Variants in DPYSL3 observed in about 807,000 individuals in gnomAD.
DPYSL3 encodes the protein dihydropyrimidinase like 3.
Under a neutral mutation model 66.1 loss-of-function variants are expected in DPYSL3, and 16 were observed. That is an observed-to-expected ratio of 0.24 (90% CI 0.16 to 0.37). The LOEUF is 0.37. Ranked by LOEUF, DPYSL3 falls within the 10% of genes least tolerant of loss-of-function variation. The pLI is 1.00. For synonymous variants in DPYSL3, 338 were observed against 345.1 expected, an observed-to-expected ratio of 0.98 and a Z score of 0.23; for missense variants, 738 against 916.2, an observed-to-expected ratio of 0.81 and a Z score of 2.51.
chr5:147,473,845 A>G (rs1166036664), intron 1 of DPYSL3, among the ~76,000 whole-genome samples: 1 of 152,138 alleles, frequency 6.6e-6, no homozygotes, highest in African/African-American at 2.4e-5. Context: ...TCTTTTTTAA[A>G]TATATTTTAA....
chr5:147,397,005 T>C lies in DPYSL3; in HGVS notation c.1803+661A>G, dbSNP rs1039604429. ...TGTATTGTTATAATACAATACACAA[T>C]ACAATATAAATATATAAATGTTTAT... On this transcript the variant is annotated intron_variant, in intron 12 of 13. Coordinates refer to ENST00000343218, the MANE Select transcript of DPYSL3 (RefSeq NM_001197294.2). Among the ~76,000 whole-genome samples the C allele has an allele frequency of 8.0e-5, 11 of 137,460 alleles. No individual in the cohort carries two copies. The Admixed American group carries it at 8.4e-4, about 11-fold the overall frequency. 90.2% of individuals were successfully genotyped at this position (137,460 alleles called of 152,430 possible). A position where few individuals can be genotyped will look rare whatever the true frequency, so the allele number is the denominator to read the frequency against.
chr5:147,497,124 A>T (rs1044744607), intron 1 of DPYSL3, among the ~76,000 whole-genome samples: 48 of 152,080 alleles, frequency 3.2e-4, no homozygotes, highest in African/African-American at 1.2e-3. Context: ...GCTGGAAACC[A>T]TCATTCTCAG....
At chr5:147,455,690 A>G (rs1018472488) in intron 1 of DPYSL3, among the ~76,000 whole-genome samples, 2 of 152,074 alleles carry the variant, frequency 1.3e-5, no homozygotes, top group Non-Finnish European at 2.9e-5. Flanking sequence ...TACTGCCCCA[A>G]ACTTGCTGGA....
At chr5:147,458,419 C>G (rs547379504) in intron 1 of DPYSL3, among the ~76,000 whole-genome samples, 3 of 152,156 alleles carry the variant, frequency 2.0e-5, no homozygotes, top group Non-Finnish European at 4.4e-5. Flanking sequence ...TAATCCACCC[C>G]TTGTTTAGCA....
chr5:147,421,286 AC>A (rs1752071816), intron 2 of DPYSL3, among the ~76,000 whole-genome samples: 1 of 152,182 alleles, frequency 6.6e-6, no homozygotes, highest in East Asian at 1.9e-4. Flanking sequence ...AGAATAAAAT[AC>A]CTAGGAATAC....
intron 1 of DPYSL3, among the ~76,000 whole-genome samples, chr5:147,489,996 G>T (rs1753391142): frequency 6.6e-6 from 1 of 151,954 alleles, no homozygotes; most frequent in South Asian, 2.1e-4. Flanking sequence ...AAAATAAAAT[G>T]AAATAAAATT....
intron 1 of DPYSL3, among the ~76,000 whole-genome samples, chr5:147,464,679 G>A (rs1752985573): frequency 6.6e-6 from 1 of 152,158 alleles, no homozygotes; most frequent in African/African-American, 2.4e-5. Flanking sequence ...GCCTGAGAAA[G>A]CCATGGTGAC....
chr5:147,509,029 T>G lies in DPYSL3; in HGVS notation c.381+449A>C, dbSNP rs996371328. Among the ~76,000 whole-genome samples, 1 of 152,156 alleles carries G rather than the reference T, an allele frequency of 6.6e-6. No homozygotes were observed. The highest frequency in any genetic ancestry group is 1.5e-5 in the Non-Finnish European group (1 of 68,036). On this transcript the variant is annotated intron_variant, in intron 1 of 13. Coordinates refer to ENST00000343218, the MANE Select transcript of DPYSL3 (RefSeq NM_001197294.2). The surrounding 1 kb of genome is among the most constrained non-coding windows in gnomAD (Gnocchi z 5.3). ...TACTTTCATCCGGGCACTATGGAGA[T>G]GACCCCCATATTCCCAGCATCACTT... is the stretch of plus-strand genomic sequence containing the variant.
intron 1 of DPYSL3, among the ~76,000 whole-genome samples, chr5:147,461,300 A>G (rs1581206375): frequency 6.6e-6 from 1 of 152,192 alleles, no homozygotes; most frequent in East Asian, 1.9e-4. Context: ...TGGCATACCT[A>G]GTCCTAACCA....
chr5:147,412,452 A>C (rs1424155518), intron 6 of DPYSL3, among the ~76,000 whole-genome samples, 156 bp downstream of exon 6: 1 of 151,648 alleles, frequency 6.6e-6, no homozygotes, highest in Non-Finnish European at 1.5e-5. Context: ...TGTTTCTTCC[A>C]CCTAAATTGT....
intron 8 of DPYSL3, among the ~76,000 whole-genome samples, chr5:147,402,362 T>TACTCCTAACATGATGAC (rs1446009036): frequency 2.0e-5 from 3 of 147,178 alleles, no homozygotes; most frequent in Admixed American, 6.6e-5. Flanking sequence ...TTCTTTTTTT[T>TACTCCTAACATGATGAC]TTTGAGACGG....
At chr5:147,417,379 A>C (rs1007538228) in intron 3 of DPYSL3, among the ~76,000 whole-genome samples, 7 of 152,202 alleles carry the variant, frequency 4.6e-5, no homozygotes, top group African/African-American at 1.7e-4. Context: ...GCTGCTGAGA[A>C]GTCAGCAGGC....
chr5:147,461,480 C>T (rs1394875340), intron 1 of DPYSL3, among the ~76,000 whole-genome samples: 1 of 152,128 alleles, frequency 6.6e-6, no homozygotes, highest in African/African-American at 2.4e-5. Flanking sequence ...TATTCTCTTT[C>T]TTTTGCCTAT....
chr5:147,404,004 C>T (rs931553310), intron 8 of DPYSL3, among the ~76,000 whole-genome samples: 2 of 152,116 alleles, frequency 1.3e-5, no homozygotes, highest in Non-Finnish European at 2.9e-5. Context: ...GAATGGGTCC[C>T]GGGCAGAATG....
Position 147,445,079 on chromosome 5 carries a change from G to A in DPYSL3, c.382-20116C>T, listed in dbSNP as rs938467930. Among the ~76,000 whole-genome samples, 25 of 152,206 alleles carry A rather than the reference G, an allele frequency of 1.6e-4. 1 individual carries two copies. The highest frequency in any genetic ancestry group is 1.0e-4 in the Non-Finnish European group (7 of 68,030). ...TGACAGTTTCCTCTATATGAAAGAC[G>A]ACATAAAGGTCTGCATTAATTCTTT... On this transcript the variant is annotated intron_variant, in intron 1 of 13. Coordinates refer to ENST00000343218, the MANE Select transcript of DPYSL3 (RefSeq NM_001197294.2).
chr5:147,451,958 T>C (rs998621990), intron 1 of DPYSL3, among the ~76,000 whole-genome samples: 20 of 152,268 alleles, frequency 1.3e-4, no homozygotes, highest in Middle Eastern at 6.8e-3. Context: ...TAATGGAAAG[T>C]GAATGCCATC....
chr5:147,469,082 A>C (rs1310996879), intron 1 of DPYSL3, among the ~76,000 whole-genome samples: 1 of 152,252 alleles, frequency 6.6e-6, no homozygotes, highest in Admixed American at 6.5e-5. Context: ...CTCCTCTGCC[A>C]AAATTCTTAT....
chr5:147,456,530 A>G (rs567170063), intron 1 of DPYSL3, among the ~76,000 whole-genome samples: 2 of 151,466 alleles, frequency 1.3e-5, no homozygotes, highest in Non-Finnish European at 2.9e-5. Flanking sequence ...CTCTCCTTCA[A>G]TCATGCCCCT....
At chr5:147,423,509 G>T (rs1253513703) in intron 2 of DPYSL3, among the ~76,000 whole-genome samples, 1 of 152,290 alleles carries the variant, frequency 6.6e-6, no homozygotes, top group East Asian at 1.9e-4. Flanking sequence ...ATTTAACATT[G>T]TGCCTGGCAC....
Sources: allele counts gnomAD v4.1 joint callset (sites outside exome capture counted in the v4.1 genomes callset), GRCh38; gene constraint gnomAD v4.1.1; non-coding constraint Gnocchi (gnomAD v3.1); transcripts MANE v1.5; gene names NCBI Gene and HGNC (gene_info 2026-07-23, HGNC 2026-07-21).